The following ZC3H3 variants were observed in gnomAD, a reference collection of about 807,000 sequenced individuals.
ZC3H3 encodes the protein zinc finger CCCH domain-containing protein 3.
A neutral mutation model predicts 77.3 loss-of-function variants in ZC3H3; 36 were observed. The observed-to-expected ratio is 0.47, with a 90% CI of 0.36 to 0.61. ZC3H3 has a LOEUF of 0.61. ZC3H3 is among the 20% of genes least tolerant of loss of function. The probability of loss-of-function intolerance (pLI) is 0.00; values close to 1 mark genes in which losing one functional copy is unlikely to be tolerated. For synonymous variants in ZC3H3, 626 were observed against 555.2 expected (o/e 1.13, Z -1.79); for missense variants, 1,331 against 1,312.2 (o/e 1.01, Z -0.22).
At chr8:143,466,504 A>C (rs370960071) in intron 8 of ZC3H3, among the ~76,000 whole-genome samples, 5 of 152,326 alleles carry the variant, frequency 3.3e-5, no homozygotes, top group African/African-American at 1.2e-4. Context: ...CTGGGCTGGG[A>C]GAGGGAAAAA....
At chr8:143,449,626 T>C (rs1819938774) in intron 9 of ZC3H3, among the ~76,000 whole-genome samples, 1 of 152,110 alleles carries the variant, frequency 6.6e-6, no homozygotes, top group African/African-American at 2.4e-5. Flanking sequence ...TAACCCCAGC[T>C]ACTTGGGAGG....
At chr8:143,455,739 T>C (rs1472135157) in intron 9 of ZC3H3, among the ~76,000 whole-genome samples, 7 of 152,052 alleles carry the variant, frequency 4.6e-5, no homozygotes, top group African/African-American at 1.4e-4. Flanking sequence ...TTGGGAGACC[T>C]AGGCGGGTGG....
intron 2 of ZC3H3, 48 bp from the exon 3 acceptor site, chr8:143,536,501 G>C: frequency 6.9e-7 from 1 of 1,444,992 alleles, no homozygotes; most frequent in Non-Finnish European, 9.1e-7. Flanking sequence ...TGGGGGTTCT[G>C]CCCACCCACC....
intron 3 of ZC3H3, among the ~76,000 whole-genome samples, chr8:143,522,395 G>C (rs1822275728): frequency 6.6e-6 from 1 of 152,182 alleles, no homozygotes; most frequent in Non-Finnish European, 1.5e-5. Context: ...CTGAGGTCAG[G>C]AGTTCGAGAC....
rs200152789 is a variant in ZC3H3, at chr8:143,440,229, G to A, written c.2627C>T (p.Ser876Phe). The change falls in exon 11 of 12, where the codon TCC becomes TTC. Residue 876 changes from serine (S) to phenylalanine (F), a missense_variant. By Grantham distance (155) the Ser-to-Phe change is radical. Around this residue, in one of 3 missense-constraint regions of ZC3H3, gnomAD observed 249 missense variants for 236.9 expected, o/e 1.05. Transcript: ENST00000262577. ...AGCGGGAGGGGATGAGGAGGAGGAG[G>A]AGGAGGAGGAAGCCTTCGAGGATGA... ...SPSSSKASSSSSSSSSPPASL... is the reference protein window; with the variant it reads ...SPSSSKASSSFSSSSSPPASL... The A allele has an allele frequency of 8.5e-5, 137 of 1,604,898 alleles. No homozygotes were observed. Among genetic ancestry groups the A allele is most frequent in the Middle Eastern group, 3.5e-4 (2 of 5,644 alleles).
At chr8:143,441,195 A>T in intron 9 of ZC3H3, 75 bp from the exon 10 acceptor site, 1 of 1,333,722 alleles carries the variant, frequency 7.5e-7, no homozygotes, top group South Asian at 1.9e-5. Flanking sequence ...AAGGAGAGCC[A>T]GGCCAGGCCC....
At chr8:143,540,766 G>A (rs368758216) in intron 1 of ZC3H3, among the ~76,000 whole-genome samples, 20 of 152,162 alleles carry the variant, frequency 1.3e-4, no homozygotes, top group African/African-American at 4.8e-4. Flanking sequence ...GACCATCCTG[G>A]CCAACATGGT....
At chr8:143,491,923 C>T (rs1357824074) in intron 4 of ZC3H3, among the ~76,000 whole-genome samples, 1 of 152,180 alleles carries the variant, frequency 6.6e-6, no homozygotes, top group Admixed American at 6.5e-5. Context: ...CTAGGAAGCC[C>T]TCAGCCACCG....
chr8:143,488,601 G>A (rs1821111425), intron 4 of ZC3H3, among the ~76,000 whole-genome samples: 1 of 152,236 alleles, frequency 6.6e-6, no homozygotes, highest in Admixed American at 6.5e-5. Context: ...GGTAGGCAGA[G>A]AGCAGAAAAG....
At chr8:143,468,073 G>A (rs1820460988) in intron 8 of ZC3H3, 136 bp downstream of exon 8, 1 of 1,090,614 alleles carries the variant, frequency 9.2e-7, no homozygotes, top group Non-Finnish European at 1.3e-6. Flanking sequence ...CGGTACAGCA[G>A]ACTCTAAGGA....
At chr8:143,510,703 C>G (rs1821844623) in intron 3 of ZC3H3, among the ~76,000 whole-genome samples, 1 of 152,196 alleles carries the variant, frequency 6.6e-6, no homozygotes, top group African/African-American at 2.4e-5. Flanking sequence ...GGCCTCTGCC[C>G]TCCTCCCTGA....
In ZC3H3 at chr8:143,462,987, CTT is replaced by C. The variant is rs35560132; in HGVS notation, c.2307+2728_2307+2729del. 2.1e-5 allele frequency among the ~76,000 whole-genome samples: 3 copies of C among 143,582 alleles called. No homozygotes were observed. The highest frequency in any genetic ancestry group is 2.6e-5 in the African/African-American group (1 of 38,936). 94.2% of individuals were successfully genotyped at this position (143,582 alleles called of 152,430 possible). A position where few individuals can be genotyped will look rare whatever the true frequency, so the allele number is the denominator to read the frequency against. On this transcript the variant is annotated intron_variant, in intron 9 of 11. Transcript: ENST00000262577. This position sits in a 1 kb window ranked among gnomAD's most constrained non-coding sequence, Gnocchi z 4.7. ...GGAGCAGCGCCCAGACCCTGAGTCT[CTT>C]TTTTTTTTTTTGAGACAGAGTCTCA...
chr8:143,511,068 A>G (rs7824592), intron 3 of ZC3H3, among the ~76,000 whole-genome samples: 73,190 of 152,146 alleles, frequency 0.48, 18,111 homozygotes, highest in East Asian at 0.68. Flanking sequence ...TATGTGAATG[A>G]GATATGAGCC....
rs115942331 is a variant in ZC3H3 at position 143,439,746 on chromosome 8, C to T, written c.2815+295G>A. ...GCGCCCGTGGGACTCACCCAGGCCC[C>T]ACCTGGAGATTCTGACGTGGTGGTC... On this transcript the variant is annotated intron_variant, in intron 11 of 11. Transcript: ENST00000262577. Among the ~76,000 whole-genome samples the T allele has an allele frequency of 9.9e-3, 1,496 of 151,816 alleles. 41 individuals are homozygous for T. The highest frequency in any genetic ancestry group is 0.034 in the African/African-American group (1,399 of 41,058).
intron 4 of ZC3H3, chr8:143,484,565 C>CA (rs1554642111): frequency 2.0e-5 from 3 of 153,812 alleles, no homozygotes; most frequent in Non-Finnish European, 2.9e-5. Flanking sequence ...ATGTCAGCTG[C>CA]AAAAAAACAA....
chr8:143,522,075 C>T (rs1822261977), intron 3 of ZC3H3, among the ~76,000 whole-genome samples: 2 of 152,218 alleles, frequency 1.3e-5, no homozygotes, highest in Non-Finnish European at 2.9e-5. Flanking sequence ...AAGCGTGTGG[C>T]CCAGTGCTGA....
intron 3 of ZC3H3, among the ~76,000 whole-genome samples, chr8:143,524,690 C>A (rs1460364759): frequency 6.6e-6 from 1 of 152,280 alleles, no homozygotes; most frequent in East Asian, 1.9e-4. Context: ...ACCTTCGAGG[C>A]AAAGGGGAGT....
chr8:143,535,763 G>C (rs1174404268), intron 3 of ZC3H3, among the ~76,000 whole-genome samples: 1 of 151,126 alleles, frequency 6.6e-6, no homozygotes, highest in African/African-American at 2.5e-5. Flanking sequence ...GGCACACTTA[G>C]AGTGGTACAG....
intron 4 of ZC3H3, among the ~76,000 whole-genome samples, chr8:143,497,838 G>A (rs1275736806): frequency 6.6e-6 from 1 of 152,214 alleles, no homozygotes; most frequent in East Asian, 1.9e-4. Context: ...GCCTGGCCAG[G>A]TCTCTGCACT....
Sources: allele counts gnomAD v4.1 joint callset (sites outside exome capture counted in the v4.1 genomes callset), GRCh38; gene constraint gnomAD v4.1.1; regional missense constraint gnomAD v4.1.1; non-coding constraint Gnocchi (gnomAD v3.1); transcripts MANE v1.5; gene names NCBI Gene and HGNC (gene_info 2026-07-23, HGNC 2026-07-21).